Variants in CSMD3 observed in about 807,000 individuals in gnomAD.
The protein encoded by CSMD3 is CUB and sushi domain-containing protein 3.
A neutral mutation model predicts 435.2 loss-of-function variants in CSMD3; 177 were observed. The ratio of observed to expected loss-of-function variants is 0.41; its 90% CI spans 0.36 to 0.46. CSMD3 has a LOEUF of 0.46. CSMD3 is among the 20% of genes least tolerant of loss of function. CSMD3 has a pLI of 0.34. For synonymous variants in CSMD3, 1,656 were observed against 1,520.5 expected (o/e 1.09, Z -2.07); for missense variants, 4,265 against 4,504.6 (o/e 0.95, Z 1.52).
intron 13 of CSMD3, among the ~76,000 whole-genome samples, chr8:112,755,331 AAAT>A (rs71309790): frequency 0.013 from 1,690 of 128,688 alleles, 15 homozygotes; most frequent in African/African-American, 0.038. Context: ...ACTCCGTCTC[AAAT>A]AATAATAATA....
At chr8:113,216,792 G>C (rs75410744) in intron 3 of CSMD3, among the ~76,000 whole-genome samples, 287 of 151,960 alleles carry the variant, frequency 1.9e-3, no homozygotes, top group South Asian at 9.7e-3. Context: ...ATGTGGGTTT[G>C]AGGATGTAGC....
intron 1 of CSMD3, among the ~76,000 whole-genome samples, chr8:113,330,970 A>G (rs1232802014): frequency 2.0e-5 from 3 of 151,984 alleles, no homozygotes; most frequent in Admixed American, 6.5e-5. Flanking sequence ...AACAAAGACC[A>G]TATAAATGAA....
chr8:113,104,488 T>TTACATTTAA (rs1161237811), intron 4 of CSMD3, among the ~76,000 whole-genome samples: 3 of 152,258 alleles, frequency 2.0e-5, no homozygotes, highest in African/African-American at 7.2e-5. Flanking sequence ...CTGCCTCTAC[T>TTACATTTAA]TACATTTAAT....
chr8:113,003,284 T>A (rs931782853), intron 6 of CSMD3, among the ~76,000 whole-genome samples: 1 of 151,886 alleles, frequency 6.6e-6, no homozygotes, highest in Non-Finnish European at 1.5e-5. Context: ...AATAAATAAA[T>A]AGTGTTTCAG....
At chr8:113,087,241 T>A in intron 5 of CSMD3, among the ~76,000 whole-genome samples, 1 of 152,122 alleles carries the variant, frequency 6.6e-6, no homozygotes, top group Non-Finnish European at 1.5e-5. Flanking sequence ...GAAGATTAAC[T>A]TGGGTAGGAA....
At position 112,685,752 on chromosome 8, in the gene CSMD3, A is replaced by G; in HGVS notation, c.2156-20T>C. The G allele has an allele frequency of 2.1e-6, 3 of 1,399,154 alleles. No individual in the cohort carries two copies. In the South Asian group the frequency reaches 3.5e-5, roughly 16 times the overall value. 86.7% of individuals were successfully genotyped at this position (1,399,154 alleles called of 1,614,324 possible). ...AGGGAACTGGTGAAACAGGAAGATT[A>G]TGAAATACAATAAATATTCAAAAAT... On this transcript the variant is annotated intron_variant, in intron 14 of 70. Transcript: ENST00000297405.
intron 3 of CSMD3, among the ~76,000 whole-genome samples, chr8:113,252,401 C>G (rs1359910552): frequency 6.6e-6 from 1 of 151,712 alleles, no homozygotes; most frequent in Non-Finnish European, 1.5e-5. Flanking sequence ...TTCACTGGGG[C>G]AAAAAATGCT....
intron 24 of CSMD3, among the ~76,000 whole-genome samples, chr8:112,563,880 G>A (rs1447468298): frequency 6.6e-6 from 1 of 151,750 alleles, no homozygotes; most frequent in African/African-American, 2.4e-5. Context: ...TTCCATGTCC[G>A]ATGGGTAATG....
chr8:112,358,872 T>C (rs779449904), intron 38 of CSMD3, among the ~76,000 whole-genome samples: 1 of 152,120 alleles, frequency 6.6e-6, no homozygotes, highest in African/African-American at 2.4e-5. Flanking sequence ...AGTAAACCTA[T>C]GTAATAAACA....
chr8:112,917,196 A>G (rs2082599379), intron 10 of CSMD3, among the ~76,000 whole-genome samples: 1 of 151,908 alleles, frequency 6.6e-6, no homozygotes. Flanking sequence ...GGCATTGATT[A>G]TTTTGTTCTT....
At chr8:112,226,059 A>G (rs1166537385) in intron 70 of CSMD3, among the ~76,000 whole-genome samples, 1 of 152,170 alleles carries the variant, frequency 6.6e-6, no homozygotes, top group African/African-American at 2.4e-5. Context: ...TCGAATTTCA[A>G]CTATTAATTT....
At chr8:112,820,101 T>A (rs1427175106) in intron 12 of CSMD3, among the ~76,000 whole-genome samples, 1 of 152,152 alleles carries the variant, frequency 6.6e-6, no homozygotes, top group Non-Finnish European at 1.5e-5. Context: ...TATTACATAA[T>A]TAAATTCATT....
At chr8:112,373,922 A>C (rs1409414234) in intron 38 of CSMD3, among the ~76,000 whole-genome samples, 1 of 152,146 alleles carries the variant, frequency 6.6e-6, no homozygotes, top group Non-Finnish European at 1.5e-5. Context: ...TCTAAACCAC[A>C]GCTGCTCTAT....
At chr8:113,375,073 A>T (rs138698666) in intron 1 of CSMD3, among the ~76,000 whole-genome samples, 28 of 152,236 alleles carry the variant, frequency 1.8e-4, no homozygotes, top group African/African-American at 6.5e-4. Flanking sequence ...TATATACAGA[A>T]GTTTACCAAA....
Position 112,292,527 on chromosome 8 carries a change from A to G in CSMD3, c.8788+10T>C. The G allele has an allele frequency of 6.2e-7, 1 of 1,613,090 alleles. No individual in the cohort carries two copies. The highest frequency in any genetic ancestry group is 8.5e-7 in the Non-Finnish European group (1 of 1,179,088). ...CATGCCACCAAATGGGAATATACTT[A>G]GACATTTACCTTTGCACATAGGTGG... On this transcript the variant is annotated intron_variant, in intron 55 of 70. Coordinates refer to ENST00000297405, the MANE Select transcript of CSMD3 (RefSeq NM_198123.2).
chr8:113,125,408 TA>T (rs2091097924), intron 4 of CSMD3, among the ~76,000 whole-genome samples: 1 of 151,998 alleles, frequency 6.6e-6, no homozygotes, highest in Non-Finnish European at 1.5e-5. Flanking sequence ...GGCTGGAGAT[TA>T]AAAAATTGAG....
chr8:112,776,467 C>A (rs1308227401), intron 13 of CSMD3, among the ~76,000 whole-genome samples: 1 of 151,662 alleles, frequency 6.6e-6, no homozygotes, highest in Non-Finnish European at 1.5e-5. Flanking sequence ...AATTTACTTT[C>A]TTTCATTTAC....
chr8:113,165,938 A>G (rs72685898), intron 4 of CSMD3, among the ~76,000 whole-genome samples: 3,325 of 152,190 alleles, frequency 0.022, 60 homozygotes, highest in East Asian at 0.057. Context: ...GTCAAGGGTG[A>G]TGGCAGGATA....
chr8:113,293,556 C>T lies in CSMD3; in HGVS notation c.402-14852G>A, dbSNP rs550364377. On this transcript the variant is annotated intron_variant, in intron 2 of 70. Transcript: ENST00000297405. ...ATATCCACTATGTGCCACAGTAGTG[C>T]ATGGTACATGGCACACACAGAAATC... Among the ~76,000 whole-genome samples, 9 of 152,176 alleles carry T rather than the reference C, an allele frequency of 5.9e-5. No individual in the cohort carries two copies. The South Asian group carries it at 1.5e-3, about 25-fold the overall frequency.
Sources: allele counts gnomAD v4.1 joint callset (sites outside exome capture counted in the v4.1 genomes callset), GRCh38; gene constraint gnomAD v4.1.1; transcripts MANE v1.5; gene names NCBI Gene and HGNC (gene_info 2026-07-23, HGNC 2026-07-21).